The following ERICH3 variants were observed in gnomAD, a reference collection of about 807,000 sequenced individuals.
ERICH3 encodes the protein glutamate-rich protein 3.
Under a neutral mutation model 131.1 loss-of-function variants are expected in ERICH3, and 126 were observed. The ratio of observed to expected loss-of-function variants is 0.96; its 90% confidence interval spans 0.83 to 1.11. The LOEUF is 1.11. Ranked by LOEUF, ERICH3 falls within the 50% of genes most tolerant of loss-of-function variation. ERICH3 has a pLI of 0.00. For missense variants in ERICH3, 2,050 were observed against 1,810.7 expected, an observed-to-expected ratio of 1.13 and a Z score of -2.40; for synonymous variants, 695 against 644.6, an observed-to-expected ratio of 1.08 and a Z score of -1.18.
Position 74,673,604 on chromosome 1 carries a change from C to T in ERICH3, c.-85G>A. The T allele has an allele frequency of 6.7e-7, 1 of 1,501,468 alleles. No homozygotes were observed. Among genetic ancestry groups the T allele is most frequent in the Non-Finnish European group, 9.1e-7 (1 of 1,095,620 alleles). The allele number at this position is 1,501,468 out of a possible 1,614,324, so 93.0% of individuals were successfully genotyped here. ...GTGCGCGCTGGCGCTGCGACAGTCG[C>T]GCTCGAGGGGTGGCTCCGCACCGAG... is the stretch of plus-strand genomic sequence containing the variant. On this transcript the variant is annotated 5_prime_UTR_variant, in exon 1 of 15. Transcript: ENST00000326665.
rs572535982 is a variant in ERICH3 at position 74,590,197 on chromosome 1, C to G, written c.1727-117G>C. The G allele has an allele frequency of 1.8e-5, 16 of 889,266 alleles. No homozygotes were observed. In the African/African-American group the frequency reaches 2.4e-4, roughly 13 times the overall value. 55.1% of individuals were successfully genotyped at this position (889,266 alleles called of 1,614,324 possible). ...ATTTTAAAACATAGTTTAATATAGA[C>G]CTGATATCCTTTTCCCATATAGTCT... On this transcript the variant is annotated intron_variant, in intron 11 of 14. Transcript: ENST00000326665.
At chr1:74,604,626 C>T (rs1405448102) in intron 10 of ERICH3, among the ~76,000 whole-genome samples, 2 of 151,912 alleles carry the variant, frequency 1.3e-5, no homozygotes, top group African/African-American at 4.8e-5. Context: ...TATCGCACTG[C>T]ACATCTTCAT....
At chr1:74,617,151 TA>T (rs1027280739) in intron 8 of ERICH3, among the ~76,000 whole-genome samples, 2 of 89,730 alleles carry the variant, frequency 2.2e-5, no homozygotes, top group Admixed American at 1.1e-4. Context: ...GGTAAGTTAC[TA>T]AAAAAAACAA....
At chr1:74,668,244 C>T (rs1224345477) in intron 1 of ERICH3, among the ~76,000 whole-genome samples, 1 of 152,188 alleles carries the variant, frequency 6.6e-6, no homozygotes, top group Non-Finnish European at 1.5e-5. Flanking sequence ...CTGAAAAATG[C>T]ACTTCCAGTC....
chr1:74,585,656 A>G (rs696688), intron 12 of ERICH3, among the ~76,000 whole-genome samples: 40,571 of 151,970 alleles, frequency 0.27, 7,979 homozygotes, highest in African/African-American at 0.56. Context: ...ACTGAAAAAT[A>G]ATTAAATACC....
At chr1:74,593,280 T>G (rs1257047127) in intron 11 of ERICH3, among the ~76,000 whole-genome samples, 2 of 152,142 alleles carry the variant, frequency 1.3e-5, no homozygotes, top group Admixed American at 1.3e-4. Flanking sequence ...TCTTTCTTTC[T>G]TTTTTGGCAT....
At chr1:74,612,987 A>G (rs2100597983) in intron 8 of ERICH3, among the ~76,000 whole-genome samples, 178 bp from the exon 9 acceptor site, 1 of 152,298 alleles carries the variant, frequency 6.6e-6, no homozygotes, top group East Asian at 1.9e-4. Context: ...CATATAAAAT[A>G]CACTAACACA....
chr1:74,597,507 A>G (rs906808474), intron 11 of ERICH3, among the ~76,000 whole-genome samples: 2 of 152,008 alleles, frequency 1.3e-5, no homozygotes, highest in Non-Finnish European at 2.9e-5. Context: ...ATGTTCTTAT[A>G]GTTTTCATTG....
At chr1:74,594,300 G>A (rs1647745246) in intron 11 of ERICH3, among the ~76,000 whole-genome samples, 1 of 151,728 alleles carries the variant, frequency 6.6e-6, no homozygotes, top group South Asian at 2.1e-4. Flanking sequence ...GTGTGTGTGT[G>A]TGTGTATGCT....
chr1:74,569,950 G>A lies in ERICH3; in HGVS notation c.*508C>T, dbSNP rs1013835170. 2.0e-5 allele frequency: 3 copies of A among 152,174 alleles called. No homozygotes were observed. The highest frequency in any genetic ancestry group is 4.8e-5 in the African/African-American group (2 of 41,438). 9.4% of individuals were successfully genotyped at this position (152,174 alleles called of 1,614,324 possible). On this transcript the variant is annotated 3_prime_UTR_variant, in exon 15 of 15. Coordinates refer to ENST00000326665, the MANE Select transcript of ERICH3 (RefSeq NM_001002912.5). ...GAGCAATCTTGAGTTTTGAGTGTAC[G>A]TGGGAGGAAATTTAGAGCTCATTTT... is the stretch of plus-strand genomic sequence containing the variant.
intron 10 of ERICH3, among the ~76,000 whole-genome samples, chr1:74,600,970 A>G (rs1254261180): frequency 6.6e-6 from 1 of 151,802 alleles, no homozygotes; most frequent in Non-Finnish European, 1.5e-5. Context: ...AACTTAATCT[A>G]GAAATGTATA....
At chr1:74,595,095 T>C (rs538929624) in intron 11 of ERICH3, among the ~76,000 whole-genome samples, 8 of 152,262 alleles carry the variant, frequency 5.3e-5, no homozygotes, top group African/African-American at 1.4e-4. Context: ...TCTGCATATA[T>C]GCTGCTCTTA....
chr1:74,645,224 C>T (rs1229729415), intron 3 of ERICH3, among the ~76,000 whole-genome samples: 1 of 151,780 alleles, frequency 6.6e-6, no homozygotes, highest in Non-Finnish European at 1.5e-5. Flanking sequence ...TTAATCCTAC[C>T]TTGCAGCTTC....
chr1:74,653,313 C>T (rs186486351), intron 1 of ERICH3, among the ~76,000 whole-genome samples: 1 of 152,100 alleles, frequency 6.6e-6, no homozygotes, highest in East Asian at 1.9e-4. Context: ...AGACACTGCA[C>T]TCATGGAGCT....
chr1:74,663,363 G>A (rs1489802581), intron 1 of ERICH3, among the ~76,000 whole-genome samples: 2 of 152,112 alleles, frequency 1.3e-5, no homozygotes, highest in East Asian at 1.9e-4. Context: ...TGGCAAATAT[G>A]ACAATCTAAA....
chr1:74,653,983 C>T (rs371068252), intron 1 of ERICH3, among the ~76,000 whole-genome samples: 4 of 152,180 alleles, frequency 2.6e-5, no homozygotes, highest in South Asian at 2.1e-4. Context: ...CACTAGTATA[C>T]GAACACAGTT....
chr1:74,670,867 C>A (rs976315278), intron 1 of ERICH3, among the ~76,000 whole-genome samples: 20 of 152,088 alleles, frequency 1.3e-4, no homozygotes, highest in African/African-American at 4.8e-4. Flanking sequence ...CTTTTCCTAG[C>A]AAGGAATATT....
At chr1:74,608,889 G>C (rs898214569) in intron 9 of ERICH3, among the ~76,000 whole-genome samples, 21 of 152,006 alleles carry the variant, frequency 1.4e-4, no homozygotes, top group Non-Finnish European at 2.4e-4. Context: ...TTGATTTGGA[G>C]CCTCTGATAT....
chr1:74,636,561 TTTAA>T, intron 5 of ERICH3, 123 bp from the exon 6 acceptor site: 1 of 931,294 alleles, frequency 1.1e-6, no homozygotes, highest in Non-Finnish European at 1.6e-6. Context: ...CAGATTAAAC[TTTAA>T]TTATGTCCTT....
Sources: gnomAD v4.1 joint callset for allele counts (sites outside exome capture counted in the v4.1 genomes callset) on GRCh38, gnomAD v4.1.1 for gene constraint, MANE v1.5 for transcripts, NCBI Gene and HGNC (gene_info 2026-07-23, HGNC 2026-07-21) for gene names.